The following SUSD4 variants were observed in gnomAD, a reference collection of about 807,000 sequenced individuals.
SUSD4 encodes sushi domain containing 4, also known as sushi domain-containing protein 4.
SUSD4 carries 41 observed loss-of-function variants against 50.5 expected under a neutral mutation model. That is an observed-to-expected ratio of 0.81 (90% CI 0.63 to 1.05). SUSD4 has a LOEUF of 1.05. Among genes scored for constraint, SUSD4 ranks in the 50% least tolerant of loss-of-function variants. The pLI is 0.00. For missense variants in SUSD4, 580 were observed against 634.7 expected, an observed-to-expected ratio of 0.91 and a Z score of 0.93; for synonymous variants, 257 against 257.3, an observed-to-expected ratio of 1.00 and a Z score of 0.01.
At position 223,293,207 on chromosome 1, in the gene SUSD4, C is replaced by T. The variant is rs931767474; in HGVS notation, c.149-556G>A. On this transcript the variant is annotated intron_variant, in intron 2 of 8. Transcript: ENST00000366878. ...TATGGTAGGGGTGGCTGGGAATGCC[C>T]TTCCTCCTCCTCTTACCCCTACCCC... Among the ~76,000 whole-genome samples, 3 of 152,056 alleles carry T rather than the reference C, an allele frequency of 2.0e-5. No individual in the cohort carries two copies. The South Asian group carries it at 6.2e-4, about 32-fold the overall frequency.
At chr1:223,280,106 C>T (rs970256980) in intron 3 of SUSD4, among the ~76,000 whole-genome samples, 11 of 152,296 alleles carry the variant, frequency 7.2e-5, no homozygotes, top group African/African-American at 2.4e-4. Flanking sequence ...TGGAAAGGAA[C>T]AACCGGTACC....
At chr1:223,334,326 A>G (rs972766643) in intron 2 of SUSD4, among the ~76,000 whole-genome samples, 2 of 152,080 alleles carry the variant, frequency 1.3e-5, no homozygotes, top group African/African-American at 4.8e-5. Flanking sequence ...AAGCACAGAG[A>G]AAGAAAACTG....
chr1:223,296,402 G>A (rs1183186084), intron 2 of SUSD4, among the ~76,000 whole-genome samples: 1 of 152,178 alleles, frequency 6.6e-6, no homozygotes, highest in Admixed American at 6.5e-5. Flanking sequence ...GAAGAGTTCA[G>A]TGTGGAGTGT....
intron 2 of SUSD4, among the ~76,000 whole-genome samples, chr1:223,294,448 T>G (rs986993550): frequency 2.6e-5 from 4 of 152,134 alleles, no homozygotes; most frequent in Non-Finnish European, 4.4e-5. Flanking sequence ...ACCCCAGCTT[T>G]TATGTGCTTG....
At chr1:223,359,393 C>G (rs1232620718) in intron 2 of SUSD4, among the ~76,000 whole-genome samples, 3 of 152,204 alleles carry the variant, frequency 2.0e-5, no homozygotes, top group Non-Finnish European at 4.4e-5. Flanking sequence ...AGCTATCCCT[C>G]CACCTGAGAT....
At chr1:223,234,448 A>C (rs1660083085) in intron 5 of SUSD4, among the ~76,000 whole-genome samples, 2 of 151,700 alleles carry the variant, frequency 1.3e-5, no homozygotes, top group Admixed American at 6.6e-5. Context: ...AGATTCATAA[A>C]CTCTTTGAGA....
intron 5 of SUSD4, among the ~76,000 whole-genome samples, chr1:223,258,130 G>A (rs1364407081): frequency 2.0e-5 from 3 of 152,144 alleles, no homozygotes; most frequent in Non-Finnish European, 4.4e-5. Context: ...GAAGTTCTGA[G>A]GCACTTCTGA....
At chr1:223,307,602 G>T (rs1290684933) in intron 2 of SUSD4, among the ~76,000 whole-genome samples, 1 of 152,140 alleles carries the variant, frequency 6.6e-6, no homozygotes, top group African/African-American at 2.4e-5. Flanking sequence ...AGTGCCACTG[G>T]GACTTTTGCG....
At chr1:223,328,649 T>C (rs1008674263) in intron 2 of SUSD4, among the ~76,000 whole-genome samples, 1 of 152,204 alleles carries the variant, frequency 6.6e-6, no homozygotes, top group African/African-American at 2.4e-5. Context: ...AAGCCTCTCA[T>C]TATTTCCCCA....
intron 5 of SUSD4, among the ~76,000 whole-genome samples, chr1:223,232,868 T>C (rs1161212331): frequency 2.0e-5 from 3 of 152,216 alleles, no homozygotes; most frequent in African/African-American, 7.2e-5. Flanking sequence ...ATCTGTCTAA[T>C]GAGTGAAACA....
chr1:223,319,296 T>C (rs1666431176), intron 2 of SUSD4, among the ~76,000 whole-genome samples: 1 of 132,332 alleles, frequency 7.6e-6, no homozygotes, highest in African/African-American at 2.9e-5. Context: ...AAGCCAAAAT[T>C]GACAAATGGG....
At chr1:223,354,605 C>T (rs1400914842) in intron 2 of SUSD4, among the ~76,000 whole-genome samples, 3 of 152,124 alleles carry the variant, frequency 2.0e-5, no homozygotes, top group Admixed American at 6.6e-5. Flanking sequence ...ATGCTATAAC[C>T]GAAACATACA....
In SUSD4 at chr1:223,356,636, G is replaced by A. The variant is rs530214808; in HGVS notation, c.148+6642C>T. ...AACTAGATTTTCATCTACAGCATAC[G>A]GTTGAGAAGATAAGTTCAAAGTCTG... On this transcript the variant is annotated intron_variant, in intron 2 of 8. Transcript: ENST00000366878. Among the ~76,000 whole-genome samples, 21 of 152,060 alleles carry A rather than the reference G, an allele frequency of 1.4e-4. No homozygotes were observed. The East Asian group carries it at 3.5e-3, about 25-fold the overall frequency.
In SUSD4 at chr1:223,313,669, G is replaced by A. The variant is rs367826244; in HGVS notation, c.149-21018C>T. On this transcript the variant is annotated intron_variant, in intron 2 of 8. Transcript: ENST00000366878. ...CATTCTAAGTCACCAGATAAGATAGGAGGTCAGCACAAGGTAAGGTCACAA... is the reference window on the plus strand; with the variant it reads ...CATTCTAAGTCACCAGATAAGATAGAAGGTCAGCACAAGGTAAGGTCACAA... 2.0e-5 allele frequency among the ~76,000 whole-genome samples: 3 copies of A among 152,212 alleles called. No homozygotes were observed. The East Asian group carries it at 5.8e-4, about 30-fold the overall frequency.
At chr1:223,263,103 A>T (rs984687444) in intron 5 of SUSD4, among the ~76,000 whole-genome samples, 5 of 152,248 alleles carry the variant, frequency 3.3e-5, no homozygotes, top group African/African-American at 1.2e-4. Flanking sequence ...ATTTGAAAAC[A>T]GGCATTTCAA....
chr1:223,234,766 G>A (rs1660104582), intron 5 of SUSD4: 1 of 664,932 alleles, frequency 1.5e-6, no homozygotes, highest in Non-Finnish European at 2.2e-6. Flanking sequence ...GTGAAATAGA[G>A]CTTTGCCAGT....
intron 2 of SUSD4, among the ~76,000 whole-genome samples, chr1:223,345,116 C>T (rs758446426): frequency 8.5e-5 from 13 of 152,160 alleles, no homozygotes; most frequent in Non-Finnish European, 1.8e-4. Context: ...TGTGGTAACA[C>T]CAGTGAGGAT....
At chr1:223,274,540 C>T (rs759486554) in intron 3 of SUSD4, among the ~76,000 whole-genome samples, 3 of 152,078 alleles carry the variant, frequency 2.0e-5, no homozygotes, top group South Asian at 2.1e-4. Context: ...GAAAAAGCCC[C>T]GTGAAAAACA....
chr1:223,351,045 T>C (rs1462672833), intron 2 of SUSD4, among the ~76,000 whole-genome samples: 5 of 152,266 alleles, frequency 3.3e-5, no homozygotes, highest in East Asian at 3.8e-4. Context: ...TGTGTTTCTA[T>C]AGATTTAACT....
Sources: allele counts gnomAD v4.1 joint callset (sites outside exome capture counted in the v4.1 genomes callset), GRCh38; gene constraint gnomAD v4.1.1; transcripts MANE v1.5; gene names NCBI Gene and HGNC (gene_info 2026-07-23, HGNC 2026-07-21).